The following ATG7 variants were observed in gnomAD, a reference collection of about 807,000 sequenced individuals.
ATG7 encodes the protein autophagy related 7, also known as ubiquitin-like modifier-activating enzyme ATG7.
Under a neutral mutation model 82.4 loss-of-function variants are expected in ATG7, and 70 were observed. The observed-to-expected ratio is 0.85, with a 90% CI of 0.70 to 1.04. The LOEUF (loss-of-function observed/expected upper bound fraction) is 1.04, where lower values mean the gene tolerates loss of function less well. ATG7 is among the 50% of genes least tolerant of loss of function. ATG7 has a pLI of 0.00. For missense variants in ATG7, 792 were observed against 864.3 expected (o/e 0.92, Z 1.05); for synonymous variants, 287 against 313.0 (o/e 0.92, Z 0.88).
At chr3:11,566,302 C>T in the ATG7 span, among the ~76,000 whole-genome samples, 10 of 152,326 alleles carry the variant, frequency 6.6e-5, no homozygotes, top group Non-Finnish European at 1.5e-5. Context: ...AGAAACAACA[C>T]ACGGCCATCC....
intron 9 of ATG7, among the ~76,000 whole-genome samples, chr3:11,315,958 C>T (rs958719580): frequency 6.6e-6 from 1 of 152,170 alleles, no homozygotes; most frequent in Admixed American, 6.5e-5. Flanking sequence ...GTCTTGAATG[C>T]GTGACCTGCT....
At chr3:11,532,834 G>T (rs765151798) in intron 20 of ATG7, among the ~76,000 whole-genome samples, 5 of 152,230 alleles carry the variant, frequency 3.3e-5, no homozygotes, top group Non-Finnish European at 5.9e-5. Flanking sequence ...TTAGCATGGT[G>T]CCTGAAATGC....
chr3:11,345,133 C>T (rs547608800), intron 13 of ATG7, among the ~76,000 whole-genome samples: 2 of 152,028 alleles, frequency 1.3e-5, no homozygotes, highest in African/African-American at 4.8e-5. Context: ...GGGCCGGGCA[C>T]GGTGGCTCAC....
chr3:11,365,918 C>T (rs1001925859), intron 18 of ATG7, among the ~76,000 whole-genome samples: 1 of 152,116 alleles, frequency 6.6e-6, no homozygotes, highest in African/African-American at 2.4e-5. Context: ...TGCACAAAAC[C>T]ACCCATAATA....
At position 11,485,507 on chromosome 3, in the gene ATG7, T is replaced by C. The variant is rs542715880; in HGVS notation, c.2079+58581T>C. On this transcript the variant is annotated intron_variant, in intron 20 of 20. Transcript: ENST00000693202. ...TTTGTGGGTTGCCTGTTCACTCTGA[T>C]GGTAGTTTCTTTTGCTGTGCAGAAG... Among the ~76,000 whole-genome samples, 6 of 152,352 alleles carry C rather than the reference T, an allele frequency of 3.9e-5. No homozygotes were observed. In the East Asian group the frequency reaches 1.2e-3, roughly 29 times the overall value.
chr3:11,516,039 AAAAAAAAC>A lies in ATG7; in HGVS notation c.2080-38762_2080-38755del, dbSNP rs1182075218. Among the ~76,000 whole-genome samples, 163 of 151,970 alleles carry A rather than the reference AAAAAAAAC, an allele frequency of 1.1e-3. 1 individual carries two copies. The highest frequency in any genetic ancestry group is 1.6e-3 in the Non-Finnish European group (109 of 67,962). Reference sequence around the variant, plus strand: ...CAGCTCACATTCCTTTTTAAAAAAAAAAAAAAACAAAAAAACATAGGACATAGTTCCTA... The same window carrying A: ...CAGCTCACATTCCTTTTTAAAAAAAAAAAAAAACATAGGACATAGTTCCTA... On this transcript the variant is annotated intron_variant, in intron 20 of 20. Transcript: ENST00000693202.
At chr3:11,425,699 C>T (rs1257322793) in intron 19 of ATG7, among the ~76,000 whole-genome samples, 1 of 151,942 alleles carries the variant, frequency 6.6e-6, no homozygotes, top group Non-Finnish European at 1.5e-5. Context: ...CCAAAAAAAA[C>T]ACATAAGTCT....
intron 2 of ATG7, among the ~76,000 whole-genome samples, chr3:11,281,515 A>G (rs1943029607): frequency 6.6e-6 from 1 of 152,142 alleles, no homozygotes; most frequent in Non-Finnish European, 1.5e-5. Context: ...GCTCACGCCT[A>G]TAATCCCAGT....
chr3:11,324,849 T>C (rs1950642051), intron 9 of ATG7, among the ~76,000 whole-genome samples: 1 of 152,192 alleles, frequency 6.6e-6, no homozygotes, highest in African/African-American at 2.4e-5. Flanking sequence ...CTTATCCCTT[T>C]CTTTTCTTTG....
intron 20 of ATG7, among the ~76,000 whole-genome samples, chr3:11,553,967 G>A (rs1026501099): frequency 2.0e-5 from 3 of 152,170 alleles, no homozygotes; most frequent in Non-Finnish European, 2.9e-5. Context: ...GTCTGAAGGC[G>A]TAGGTTCAGG....
At chr3:11,559,348 G>A (rs375378835), downstream of ATG7, 2 of 1,548,124 alleles carry the variant, frequency 1.3e-6, no homozygotes, top group East Asian at 2.4e-5. Context: ...GTGGCCTCCG[G>A]TAGCTGGCAG....
intron 7 of ATG7, among the ~76,000 whole-genome samples, chr3:11,311,120 G>C (rs1263763595): frequency 6.6e-6 from 1 of 152,016 alleles, no homozygotes; most frequent in Admixed American, 6.6e-5. Flanking sequence ...TATGTGTGTT[G>C]GTCTTGCTGC....
Position 11,299,261 on chromosome 3 carries a change from C to G in ATG7, c.161-101C>G, listed in dbSNP as rs1344492918. On this transcript the variant is annotated intron_variant, in intron 4 of 20. Transcript: ENST00000693202. Reference sequence around the variant, plus strand: ...GATAATCAGAAATTGGATGGGGCGCCTTGGGCTCAACAAAGAGAAGAAAAC... The same window carrying G: ...GATAATCAGAAATTGGATGGGGCGCGTTGGGCTCAACAAAGAGAAGAAAAC... The G allele has an allele frequency of 9.9e-6, 12 of 1,207,100 alleles. No individual in the cohort carries two copies. The East Asian group carries it at 2.8e-4, about 28-fold the overall frequency. 74.8% of individuals were successfully genotyped at this position (1,207,100 alleles called of 1,614,324 possible).
chr3:11,452,410 G>GAAAAAAAAAAAAA (rs2085286455), intron 20 of ATG7, among the ~76,000 whole-genome samples: 1 of 110,720 alleles, frequency 9.0e-6, no homozygotes, highest in African/African-American at 3.9e-5. Flanking sequence ...AAAAAAAAAG[G>GAAAAAAAAAAAAA]AAATGTTCTG....
rs538158905 is a variant in ATG7, at chr3:11,343,118, G to A, written c.1125+839G>A. On this transcript the variant is annotated intron_variant, in intron 13 of 20. Coordinates refer to ENST00000693202, the MANE Select transcript of ATG7 (RefSeq NM_001349232.2). The stretch of plus-strand genomic sequence containing the variant: ...TAATTTTTGTATTTTTAGTAGAGAC[G>A]GGGTTTCATCATGTTGTCCAGGCTG... Among the ~76,000 whole-genome samples, 5 of 152,036 alleles carry A rather than the reference G, an allele frequency of 3.3e-5. No individual in the cohort carries two copies. The South Asian group carries it at 6.2e-4, about 19-fold the overall frequency.
intron 19 of ATG7, among the ~76,000 whole-genome samples, chr3:11,423,005 T>G (rs1423760958): frequency 1.3e-5 from 2 of 152,148 alleles, no homozygotes; most frequent in Non-Finnish European, 2.9e-5. Context: ...TCCACCCACC[T>G]TGGCCTCTCA....
At chr3:11,473,486 G>A (rs1323885805) in intron 20 of ATG7, among the ~76,000 whole-genome samples, 5 of 152,184 alleles carry the variant, frequency 3.3e-5, no homozygotes, top group South Asian at 2.1e-4. Context: ...GTTTTAGAAC[G>A]GATGGAAAAA....
chr3:11,533,538 T>C (rs1244716745), intron 20 of ATG7, among the ~76,000 whole-genome samples: 2 of 54,752 alleles, frequency 3.7e-5, no homozygotes, highest in Admixed American at 4.7e-4. Context: ...CCCCCTTCTG[T>C]TAAAAAAAAA....
At chr3:11,389,456 T>TA (rs71628708) in intron 19 of ATG7, among the ~76,000 whole-genome samples, 38 of 146,930 alleles carry the variant, frequency 2.6e-4, no homozygotes, top group Admixed American at 6.1e-4. Context: ...TTTTTTTTTT[T>TA]AACACAGAAT....
Sources: allele counts gnomAD v4.1 joint callset (sites outside exome capture counted in the v4.1 genomes callset), GRCh38; gene constraint gnomAD v4.1.1; transcripts MANE v1.5; gene names NCBI Gene and HGNC (gene_info 2026-07-23, HGNC 2026-07-21).